DPP10: variants seen among roughly 807,000 people sequenced by gnomAD.
DPP10 encodes the protein dipeptidyl peptidase like 10, also known as inactive dipeptidyl peptidase 10.
Under a neutral mutation model 120.9 loss-of-function variants are expected in DPP10, and 33 were observed. The ratio of observed to expected loss-of-function variants is 0.27; its 90% CI spans 0.21 to 0.37. DPP10 has a LOEUF of 0.37. DPP10 is among the 10% of genes least tolerant of loss of function. The pLI is 1.00. For missense variants in DPP10, 816 were observed against 942.8 expected, an observed-to-expected ratio of 0.87 and a Z score of 1.76; for synonymous variants, 337 against 326.1, an observed-to-expected ratio of 1.03 and a Z score of -0.36.
intron 2 of DPP10, among the ~76,000 whole-genome samples, chr2:115,328,877 A>C (rs1379109019): frequency 6.6e-6 from 1 of 152,046 alleles, no homozygotes; most frequent in East Asian, 1.9e-4. Flanking sequence ...AACCAAAGAG[A>C]TACCTGCTAG....
intron 1 of DPP10, among the ~76,000 whole-genome samples, chr2:114,443,699 G>GA (rs5833543): frequency 0.015 from 2,089 of 138,616 alleles, 30 homozygotes; most frequent in African/African-American, 0.044. Context: ...ACTCTTTTAT[G>GA]AAAAAAAAAA....
At chr2:115,513,464 G>T (rs2077339768) in intron 4 of DPP10, among the ~76,000 whole-genome samples, 1 of 151,260 alleles carries the variant, frequency 6.6e-6, no homozygotes, top group South Asian at 2.1e-4. Context: ...TCCATTCTTG[G>T]ATTTCTCACT....
intron 1 of DPP10, among the ~76,000 whole-genome samples, chr2:114,465,094 G>A (rs767145277): frequency 2.0e-5 from 3 of 152,124 alleles, no homozygotes; most frequent in Non-Finnish European, 4.4e-5. Context: ...AATCATGGGC[G>A]TTGGACTCAG....
intron 1 of DPP10, among the ~76,000 whole-genome samples, chr2:115,026,180 T>A (rs1326991461): frequency 3.3e-5 from 5 of 152,146 alleles, no homozygotes; most frequent in Non-Finnish European, 7.4e-5. Flanking sequence ...TTAGATATGA[T>A]TTTTAATACA....
At chr2:115,808,554 C>T (rs981139434) in intron 19 of DPP10, among the ~76,000 whole-genome samples, 1 of 152,188 alleles carries the variant, frequency 6.6e-6, no homozygotes, top group Non-Finnish European at 1.5e-5. Context: ...TGCCATAACT[C>T]TACTGGGTAG....
rs181607903 is a variant in DPP10 at position 114,527,399 on chromosome 2, G to A, written c.60+84561G>A. The stretch of plus-strand genomic sequence containing the variant: ...ATCCCAGTCCAAATGGGACTATTCC[G>A]TAATGTTCTGTGGTCGTAACTGTTG... On this transcript the variant is annotated intron_variant, in intron 1 of 25. Coordinates refer to ENST00000410059, the MANE Select transcript of DPP10 (RefSeq NM_020868.6). Among the ~76,000 whole-genome samples, 317 of 152,212 alleles carry A rather than the reference G, an allele frequency of 2.1e-3. 1 individual carries two copies. The highest frequency in any genetic ancestry group is 7.1e-3 in the African/African-American group (293 of 41,538).
intron 3 of DPP10, among the ~76,000 whole-genome samples, chr2:115,372,133 G>C (rs924016505): frequency 2.6e-5 from 4 of 152,032 alleles, no homozygotes; most frequent in African/African-American, 7.2e-5. Flanking sequence ...TTCATTAATA[G>C]ATACAATTTT....
chr2:115,643,587 G>A (rs185725385), intron 5 of DPP10, among the ~76,000 whole-genome samples: 173 of 152,238 alleles, frequency 1.1e-3, no homozygotes, highest in African/African-American at 3.9e-3. Flanking sequence ...CACATAAGAC[G>A]TTATAAAAAC....
At chr2:115,810,089 G>A (rs1686459216) in intron 19 of DPP10, among the ~76,000 whole-genome samples, 2 of 151,858 alleles carry the variant, frequency 1.3e-5, no homozygotes, top group South Asian at 2.1e-4. Context: ...CTGAACCCGG[G>A]AGGCGGATCT....
At chr2:115,266,085 AT>A (rs751190407) in intron 1 of DPP10, among the ~76,000 whole-genome samples, 17 of 152,194 alleles carry the variant, frequency 1.1e-4, no homozygotes, top group Non-Finnish European at 1.9e-4. Flanking sequence ...TGAGGAGGTA[AT>A]TTAATTATTA....
At chr2:115,536,526 G>A (rs952234683) in intron 5 of DPP10, among the ~76,000 whole-genome samples, 7 of 151,712 alleles carry the variant, frequency 4.6e-5, no homozygotes, top group Admixed American at 4.6e-4. Context: ...TGAAATTATG[G>A]GATTATATAT....
chr2:114,623,969 A>G (rs1573818377), intron 1 of DPP10, among the ~76,000 whole-genome samples: 2 of 152,200 alleles, frequency 1.3e-5, no homozygotes, highest in Admixed American at 6.6e-5. Flanking sequence ...TCTGTCATAT[A>G]GGAATGATGA....
chr2:115,477,672 A>G (rs945355179), intron 3 of DPP10, among the ~76,000 whole-genome samples: 5 of 152,130 alleles, frequency 3.3e-5, no homozygotes, highest in African/African-American at 1.2e-4. Context: ...ATGGAATCTT[A>G]AGGTATCCAA....
chr2:114,920,605 T>C (rs906697151), intron 1 of DPP10, among the ~76,000 whole-genome samples: 1 of 152,232 alleles, frequency 6.6e-6, no homozygotes, highest in African/African-American at 2.4e-5. Context: ...TGGTTTCAAA[T>C]TCCCTTAAGA....
intron 1 of DPP10, among the ~76,000 whole-genome samples, chr2:115,174,139 TAAC>T (rs2053546974): frequency 2.0e-5 from 3 of 152,214 alleles, no homozygotes; most frequent in Non-Finnish European, 4.4e-5. Context: ...GCAATAAGGT[TAAC>T]TATCATGGTT....
intron 1 of DPP10, among the ~76,000 whole-genome samples, chr2:114,892,696 C>T (rs1013055975): frequency 6.6e-6 from 1 of 152,150 alleles, no homozygotes; most frequent in Middle Eastern, 3.2e-3. Context: ...CAGATAAGCC[C>T]TGTACATTGC....
At chr2:115,030,532 G>T (rs1007621472) in intron 1 of DPP10, among the ~76,000 whole-genome samples, 1 of 152,108 alleles carries the variant, frequency 6.6e-6, no homozygotes, top group Non-Finnish European at 1.5e-5. Flanking sequence ...GTGTACGTTT[G>T]TTAGTTAAAT....
chr2:115,469,165 G>A (rs1167746485), intron 3 of DPP10, among the ~76,000 whole-genome samples: 1 of 151,944 alleles, frequency 6.6e-6, no homozygotes, highest in Non-Finnish European at 1.5e-5. Context: ...TAAGCTACAT[G>A]GCAATAAGGT....
At chr2:114,866,373 C>A (rs1690237636) in intron 1 of DPP10, among the ~76,000 whole-genome samples, 1 of 151,810 alleles carries the variant, frequency 6.6e-6, no homozygotes, top group South Asian at 2.1e-4. Flanking sequence ...AAAAAAAAAT[C>A]TTCTCTTCTA....
Sources: allele counts gnomAD v4.1 joint callset (sites outside exome capture counted in the v4.1 genomes callset), GRCh38; gene constraint gnomAD v4.1.1; transcripts MANE v1.5; gene names NCBI Gene and HGNC (gene_info 2026-07-23, HGNC 2026-07-21).